The following FHL3 variants were observed in gnomAD, a reference collection of about 807,000 sequenced individuals.
FHL3 encodes four and a half LIM domains protein 3.
Under a neutral mutation model 34.3 loss-of-function variants are expected in FHL3, and 21 were observed. The ratio of observed to expected loss-of-function variants is 0.61; its 90% CI spans 0.43 to 0.88. FHL3 has a LOEUF of 0.88. Among genes scored for constraint, FHL3 ranks in the 40% least tolerant of loss-of-function variants. FHL3 has a pLI of 0.00. For missense variants in FHL3, 333 were observed against 373.7 expected, an observed-to-expected ratio of 0.89 and a Z score of 0.90; for synonymous variants, 137 against 144.6, an observed-to-expected ratio of 0.95 and a Z score of 0.38.
At position 37,997,873 on chromosome 1, in the gene FHL3, G is replaced by T. The variant is rs112195274; in HGVS notation, c.502-3C>A. Reference sequence around the variant, plus strand: ...GTCACTCCACCCTGTGTCAGCGTCTGTGGGGGCAGCATCCATTAGTAGGTA... The same window carrying T: ...GTCACTCCACCCTGTGTCAGCGTCTTTGGGGGCAGCATCCATTAGTAGGTA... On this transcript the variant is annotated splice_polypyrimidine_tract_variant and splice_region_variant and intron_variant, in intron 4 of 5. Transcript: ENST00000373016. This position sits in a 1 kb window ranked among gnomAD's most constrained non-coding sequence, Gnocchi z 4.3. 65 of 1,613,544 alleles carry T rather than the reference G, an allele frequency of 4.0e-5. No homozygotes were observed. Among genetic ancestry groups the T allele is most frequent in the Non-Finnish European group, 4.4e-5 (52 of 1,179,642 alleles).
rs775884671 is a variant in FHL3 at position 37,998,983 on chromosome 1, C to A, written c.322G>T (p.Val108Phe). 1 of 1,613,952 alleles carries A rather than the reference C, an allele frequency of 6.2e-7. No homozygotes were observed. The highest frequency in any genetic ancestry group is 8.5e-7 in the Non-Finnish European group (1 of 1,179,812). Reference sequence around the variant, plus strand: ...GCCCCTGAACACATACCAGGCATGACAGTCTCCCCACAAGCGGAGCACTGC... The same window carrying A: ...GCCCCTGAACACATACCAGGCATGAAAGTCTCCCCACAAGCGGAGCACTGC... ...SSQCSACGET[V>F]MPGSRKLEYG... The change falls in exon 3 of 6, where the codon GTC (valine) becomes TTC (phenylalanine). Residue 108 changes from valine to phenylalanine, a missense_variant. By Grantham distance (50) the Val-to-Phe change is conservative (BLOSUM62 -1). Coordinates refer to ENST00000373016, the MANE Select transcript of FHL3 (RefSeq NM_004468.5).
chr1:37,999,642 G>A (rs78257163), intron 1 of FHL3, among the ~76,000 whole-genome samples: 1 of 152,078 alleles, frequency 6.6e-6, no homozygotes. Context: ...GAAGAGGTCA[G>A]GAAAAAAACC....
Position 37,998,066 on chromosome 1 carries a change from T to G in FHL3, c.398A>C (p.Glu133Ala), listed in dbSNP as rs1646554214. 1.2e-6 allele frequency: 2 copies of G among 1,613,590 alleles called. No homozygotes were observed. The highest frequency in any genetic ancestry group is 1.7e-6 in the Non-Finnish European group (2 of 1,179,564). ...HEHCFLCSGC[E>A]QPLGSRSFVP... ...AAAAGAACGGGAGCCCAGTGGCTGT[T>G]CACAGCCACTGCACAGGAAGCAGTG... The change falls in exon 4 of 6, where the codon GAA (glutamate) becomes GCA (alanine). Residue 133 changes from glutamate to alanine, a missense_variant. Coordinates refer to ENST00000373016, the MANE Select transcript of FHL3 (RefSeq NM_004468.5).
In FHL3 at chr1:37,997,967, C is replaced by A. The variant is rs1646552417; in HGVS notation, c.497G>T (p.Ser166Ile). Residue 166 changes from serine to isoleucine, a missense_variant, in exon 4 of 6, where the codon AGC (serine) becomes ATC (isoleucine). Physicochemically the swap from Ser to Ile is moderately radical, Grantham distance 142 (BLOSUM62 -2). Transcript: ENST00000373016. This position sits in a 1 kb window ranked among gnomAD's most constrained non-coding sequence, Gnocchi z 4.3. The stretch of plus-strand genomic sequence containing the variant: ...CCTGGCTGGCCCAGCCCCCACCTTG[C>A]TGCAGCGGGCGCAGCGAGGAGCAAA... ...NKFAPRCARC[S>I]KTLTQGGVTY... 2 of 1,613,688 alleles carry A rather than the reference C, an allele frequency of 1.2e-6. No homozygotes were observed. Among genetic ancestry groups the A allele is most frequent in the Non-Finnish European group, 1.7e-6 (2 of 1,179,852 alleles).
chr1:38,004,284 T>C (rs1375461837), intron 1 of FHL3, among the ~76,000 whole-genome samples: 3 of 152,118 alleles, frequency 2.0e-5, no homozygotes, highest in Non-Finnish European at 2.9e-5. Flanking sequence ...CAAAAATAAG[T>C]TGGGGCTGTC....
chr1:37,999,413 G>C lies in FHL3; in HGVS notation c.-1C>G, dbSNP rs755016987. On this transcript the variant is annotated 5_prime_UTR_variant, in exon 2 of 6. Transcript: ENST00000373016. Reference sequence around the variant, plus strand: ...TTGCACAGTCAAATGACTCGCTCATGGTGGCAAGGGGAGAGAACCCTGTTA... The same window carrying C: ...TTGCACAGTCAAATGACTCGCTCATCGTGGCAAGGGGAGAGAACCCTGTTA... 6.2e-7 allele frequency: 1 copy of C among 1,614,086 alleles called. No homozygotes were observed. The highest frequency in any genetic ancestry group is 8.5e-7 in the Non-Finnish European group (1 of 1,180,018).
rs757281413 is a variant in FHL3 at position 37,999,223 on chromosome 1, AC to A, written c.156+33del. The A allele has an allele frequency of 6.2e-6, 10 of 1,613,722 alleles. No individual in the cohort carries two copies. The East Asian group carries it at 2.0e-4, about 32-fold the overall frequency. Reference sequence around the variant, plus strand: ...CCTTTGCCCCCTTCCACTGGTCACCACCCACCTCCTGCCTGGCCTGGCCCTC... The same window carrying A: ...CCTTTGCCCCCTTCCACTGGTCACCACCACCTCCTGCCTGGCCTGGCCCTC... On this transcript the variant is annotated intron_variant, in intron 2 of 5. Coordinates refer to ENST00000373016, the MANE Select transcript of FHL3 (RefSeq NM_004468.5).
rs1375340423 is a variant in FHL3, at chr1:37,997,474, C to G, written c.774G>C (p.Leu258=). ...CFSCARCSTS[L]VGQGFVPDGD... The stretch of plus-strand genomic sequence containing the variant: ...CATCCGGTACGAAGCCCTGGCCCAC[C>G]AGGGAGGTAGAGCAGCGGGCGCAGG... Residue 258 remains leucine, a synonymous_variant, in exon 6 of 6, where the codon CTG becomes CTC. Coordinates refer to ENST00000373016, the MANE Select transcript of FHL3 (RefSeq NM_004468.5). This position sits in a 1 kb window ranked among gnomAD's most constrained non-coding sequence, Gnocchi z 4.3. 6.2e-7 allele frequency: 1 copy of G among 1,614,058 alleles called. No individual in the cohort carries two copies. Among genetic ancestry groups the G allele is most frequent in the Non-Finnish European group, 8.5e-7 (1 of 1,179,970 alleles).
chr1:37,997,111 C>G lies in FHL3; in HGVS notation c.*294G>C. 3 of 356,660 alleles carry G rather than the reference C, an allele frequency of 8.4e-6. No homozygotes were observed. Among genetic ancestry groups the G allele is most frequent in the Non-Finnish European group, 1.6e-5 (3 of 193,340 alleles). The allele number at this position is 356,660 out of a possible 1,614,324, so 22.1% of individuals were successfully genotyped here. A position where few individuals can be genotyped will look rare whatever the true frequency, so the allele number is the denominator to read the frequency against. On this transcript the variant is annotated 3_prime_UTR_variant, in exon 6 of 6. Coordinates refer to ENST00000373016, the MANE Select transcript of FHL3 (RefSeq NM_004468.5). This position sits in a 1 kb window ranked among gnomAD's most constrained non-coding sequence, Gnocchi z 4.3. ...GGTTTGGAGGGCTCGGGTCTAGAGC[C>G]CTGATTTGGGGAGAGGACTCAGTCT...
Position 37,999,873 on chromosome 1 carries a change from T to C in FHL3, c.-20-441A>G, listed in dbSNP as rs549237133. 3.0e-4 allele frequency among the ~76,000 whole-genome samples: 46 copies of C among 152,298 alleles called. 1 individual carries two copies. In the South Asian group the frequency reaches 8.9e-3, roughly 29 times the overall value. ...CTCCCAGGAAGGGACTTTAGGAATA[T>C]GGATAAAGGAACCCTTAACCAGAGC... On this transcript the variant is annotated intron_variant, in intron 1 of 5. Coordinates refer to ENST00000373016, the MANE Select transcript of FHL3 (RefSeq NM_004468.5).
chr1:37,998,139 G>A lies in FHL3; in HGVS notation c.332-7C>T, dbSNP rs773389055. ...TATTCCAGCTTCCGGGACCCTGTGG[G>A]GAACAGGGGTCCCATTTAGAGGTTG... is the stretch of plus-strand genomic sequence containing the variant. On this transcript the variant is annotated splice_polypyrimidine_tract_variant and splice_region_variant and intron_variant, in intron 3 of 5. Coordinates refer to ENST00000373016, the MANE Select transcript of FHL3 (RefSeq NM_004468.5). 6.2e-7 allele frequency: 1 copy of A among 1,613,232 alleles called. No homozygotes were observed.
rs1049426778 is a variant in FHL3, at chr1:38,001,430, CCT to C, written c.-20-2000_-20-1999del. On this transcript the variant is annotated intron_variant, in intron 1 of 5. Coordinates refer to ENST00000373016, the MANE Select transcript of FHL3 (RefSeq NM_004468.5). ...GCCCAGGCTAGACTTGGGTCCACCC[CCT>C]GAGAGACAGTCAGCACTCCGAAACC... 5.3e-5 allele frequency among the ~76,000 whole-genome samples: 8 copies of C among 152,344 alleles called. No homozygotes were observed. In the South Asian group the frequency reaches 6.2e-4, roughly 12 times the overall value.
intron 1 of FHL3, among the ~76,000 whole-genome samples, chr1:38,004,176 G>A (rs546406089): frequency 6.6e-6 from 1 of 152,278 alleles, no homozygotes; most frequent in East Asian, 1.9e-4. Flanking sequence ...GAAGGGGGTT[G>A]GGGAGCAAGA....
In FHL3 at chr1:37,997,090, T is replaced by C; in HGVS notation, c.*315A>G. The stretch of plus-strand genomic sequence containing the variant: ...GGGCCTAAGTCCCAGAGTCCAGGTT[T>C]GGAGGGCTCGGGTCTAGAGCCCTGA... On this transcript the variant is annotated 3_prime_UTR_variant, in exon 6 of 6. Transcript: ENST00000373016. The surrounding 1 kb of genome is among the most constrained non-coding windows in gnomAD (Gnocchi z 4.3). 3.6e-6 allele frequency: 1 copy of C among 279,426 alleles called. No homozygotes were observed. The allele number at this position is 279,426 out of a possible 1,614,324, so 17.3% of individuals were successfully genotyped here. A position where few individuals can be genotyped will look rare whatever the true frequency, so the allele number is the denominator to read the frequency against.
In FHL3 at chr1:37,998,146, G is replaced by C; in HGVS notation, c.332-14C>G. The stretch of plus-strand genomic sequence containing the variant: ...GCTTCCGGGACCCTGTGGGGAACAG[G>C]GGTCCCATTTAGAGGTTGTGTCCCA... On this transcript the variant is annotated splice_polypyrimidine_tract_variant and intron_variant, in intron 3 of 5. Transcript: ENST00000373016. 6.2e-7 allele frequency: 1 copy of C among 1,613,204 alleles called. No individual in the cohort carries two copies. The highest frequency in any genetic ancestry group is 1.1e-5 in the South Asian group (1 of 90,986).
rs774143566 is a variant in FHL3, at chr1:37,997,688, G to A, written c.684C>T (p.Ile228=). ...GTTCTTTGACCCTTGTCCCACCTACGATGGGGCGCTTGCAGCTGCTGCACT... is the reference window on the plus strand; with the variant it reads ...GTTCTTTGACCCTTGTCCCACCTACAATGGGGCGCTTGCAGCTGCTGCACT... ...APKCSSCKRP[I]VGLGGGKYVS... Residue 228 remains isoleucine (I), a synonymous_variant, in exon 5 of 6, where the codon ATC becomes ATT. Transcript: ENST00000373016. The surrounding 1 kb of genome is among the most constrained non-coding windows in gnomAD (Gnocchi z 4.3). 1 of 1,614,034 alleles carries A rather than the reference G, an allele frequency of 6.2e-7. No homozygotes were observed. Among genetic ancestry groups the A allele is most frequent in the East Asian group, 2.2e-5 (1 of 44,874 alleles).
chr1:37,998,072 C>T lies in FHL3; in HGVS notation c.392G>A (p.Gly131Asp), dbSNP rs780828480. The change falls in exon 4 of 6, where the codon GGC becomes GAC. Residue 131 changes from glycine to aspartate, a missense_variant. Gly to Asp is a moderately conservative substitution (Grantham distance 94, BLOSUM62 -1). Transcript: ENST00000373016. ...TWHEHCFLCSGCEQPLGSRSF... is the reference protein window; with the variant it reads ...TWHEHCFLCSDCEQPLGSRSF... The stretch of plus-strand genomic sequence containing the variant: ...ACGGGAGCCCAGTGGCTGTTCACAG[C>T]CACTGCACAGGAAGCAGTGCTCATG... 2.5e-6 allele frequency: 4 copies of T among 1,614,080 alleles called. No individual in the cohort carries two copies. In the South Asian group the frequency reaches 3.3e-5, roughly 13 times the overall value.
intron 2 of FHL3, 36 bp from the exon 3 acceptor site, chr1:37,999,184 C>T: frequency 6.2e-7 from 1 of 1,613,798 alleles, no homozygotes; most frequent in Non-Finnish European, 8.5e-7. Flanking sequence ...GGCACCCAGG[C>T]CTCATGGACC....
In FHL3 at chr1:37,998,067, C is replaced by A. The variant is rs1646554245; in HGVS notation, c.397G>T (p.Glu133Ter). Residue 133 changes from glutamate (E) to a stop codon, truncating the protein, a stop_gained, in exon 4 of 6, where the codon GAA (glutamate) becomes TAA (stop). Coordinates refer to ENST00000373016, the MANE Select transcript of FHL3 (RefSeq NM_004468.5). LOFTEE classifies it high-confidence loss of function. ...AAAGAACGGGAGCCCAGTGGCTGTT[C>A]ACAGCCACTGCACAGGAAGCAGTGC... ...HEHCFLCSGC[E>*]QPLGSRSFVP... The A allele has an allele frequency of 1.2e-6, 2 of 1,613,614 alleles. No individual in the cohort carries two copies. Among genetic ancestry groups the A allele is most frequent in the Non-Finnish European group, 1.7e-6 (2 of 1,179,578 alleles).
Sources: gnomAD v4.1 joint callset for allele counts (sites outside exome capture counted in the v4.1 genomes callset) on GRCh38, gnomAD v4.1.1 for gene constraint, Gnocchi (gnomAD v3.1) non-coding constraint, MANE v1.5 for transcripts, NCBI Gene and HGNC (gene_info 2026-07-23, HGNC 2026-07-21) for gene names.